The following SLC13A3 variants were observed in gnomAD, a reference collection of about 807,000 sequenced individuals.
SLC13A3 encodes solute carrier family 13 member 3, also known as Na(+)/dicarboxylate cotransporter 3.
Under a neutral mutation model 59.0 loss-of-function variants are expected in SLC13A3, and 40 were observed. That is an observed-to-expected ratio of 0.68 (90% CI 0.53 to 0.88). The LOEUF (loss-of-function observed/expected upper bound fraction) is 0.88, where lower values mean the gene tolerates loss of function less well. SLC13A3 is among the 40% of genes least tolerant of loss of function. SLC13A3 has a pLI of 0.00. For synonymous variants in SLC13A3, 317 were observed against 330.3 expected (o/e 0.96, Z 0.44); for missense variants, 699 against 783.2 (o/e 0.89, Z 1.28).
At chr20:46,667,542 C>T (rs1281017642) in intron 1 of SLC13A3, among the ~76,000 whole-genome samples, 2 of 152,164 alleles carry the variant, frequency 1.3e-5, no homozygotes, top group African/African-American at 4.8e-5. Flanking sequence ...TACTATTTGC[C>T]AGGCTCCGTT....
At chr20:46,640,433 T>C (rs2062836678) in intron 1 of SLC13A3, among the ~76,000 whole-genome samples, 1 of 152,164 alleles carries the variant, frequency 6.6e-6, no homozygotes, top group African/African-American at 2.4e-5. Context: ...GTGTTCTGCC[T>C]ATGGGTGCTC....
intron 5 of SLC13A3, among the ~76,000 whole-genome samples, chr20:46,594,311 A>T (rs899617797): frequency 6.6e-5 from 10 of 151,932 alleles, no homozygotes; most frequent in African/African-American, 2.2e-4. Flanking sequence ...TGAAATAGAC[A>T]TATAAAAAAT....
intron 1 of SLC13A3, among the ~76,000 whole-genome samples, chr20:46,634,407 C>T (rs2062774948): frequency 6.6e-6 from 1 of 152,092 alleles, no homozygotes; most frequent in Non-Finnish European, 1.5e-5. Flanking sequence ...CTTACCTTGT[C>T]CCATGCCCCA....
At chr20:46,666,536 C>T (rs2063063598) in intron 1 of SLC13A3, among the ~76,000 whole-genome samples, 1 of 151,560 alleles carries the variant, frequency 6.6e-6, no homozygotes. Context: ...CAGGGTCTCA[C>T]TCTGTTACCC....
chr20:46,654,432 C>T (rs1600620418), upstream of SLC13A3, among the ~76,000 whole-genome samples: 1 of 152,326 alleles, frequency 6.6e-6, no homozygotes. Context: ...CTTCATGCCC[C>T]TTTGCCTTAC....
chr20:46,586,132 A>T (rs1055795871), intron 8 of SLC13A3, among the ~76,000 whole-genome samples: 1 of 152,212 alleles, frequency 6.6e-6, no homozygotes, highest in Admixed American at 6.5e-5. Context: ...TCACTTTTTT[A>T]ATATAGCTAC....
chr20:46,585,546 C>A, intron 8 of SLC13A3: 1 of 1,018,104 alleles, frequency 9.8e-7, no homozygotes, highest in South Asian at 3.2e-5. Context: ...CAATAAAATG[C>A]ACCCATTTTA....
intron 3 of SLC13A3, among the ~76,000 whole-genome samples, chr20:46,600,324 A>AAGGAAAGG (rs61169434): frequency 0.19 from 15,669 of 83,680 alleles, 1,074 homozygotes; most frequent in East Asian, 0.38. Context: ...GGAAGGAAGG[A>AAGGAAAGG]AAGGAAGGAA....
chr20:46,642,351 C>A (rs1295051329), intron 1 of SLC13A3, among the ~76,000 whole-genome samples: 1 of 152,196 alleles, frequency 6.6e-6, no homozygotes, highest in Non-Finnish European at 1.5e-5. Context: ...GGACCTTGGG[C>A]TACAACACTG....
Position 46,659,722 on chromosome 20 carries a change from CCA to C in SLC13A3, c.-31+10319_-31+10320del, listed in dbSNP as rs1491581744. Among the ~76,000 whole-genome samples, 148 of 146,070 alleles carry C rather than the reference CCA, an allele frequency of 1.0e-3. 1 individual carries two copies. The highest frequency in any genetic ancestry group is 3.6e-3 in the African/African-American group (142 of 39,548). On this transcript the variant is annotated intron_variant, in intron 1 of 12. Coordinates refer to the SLC13A3 transcript ENST00000290317. ...CAGAGTGAGACCCTATCCCCCCCCC[CCA>C]AAAAAAAAAAGAAAAAACAAAGAAA...
upstream of SLC13A3, among the ~76,000 whole-genome samples, chr20:46,655,855 A>C (rs918684301): frequency 2.5e-4 from 34 of 136,822 alleles, no homozygotes; most frequent in African/African-American, 7.7e-4. Flanking sequence ...ACTGTATATA[A>C]TATATATACT....
At chr20:46,608,299 A>G (rs1312860596) in intron 3 of SLC13A3, among the ~76,000 whole-genome samples, 2 of 152,222 alleles carry the variant, frequency 1.3e-5, no homozygotes, top group African/African-American at 2.4e-5. Flanking sequence ...CAGCACCCAT[A>G]AATACAATTT....
At chr20:46,665,238 C>A (rs2063055879) in intron 1 of SLC13A3, among the ~76,000 whole-genome samples, 2 of 151,426 alleles carry the variant, frequency 1.3e-5, no homozygotes, top group African/African-American at 2.4e-5. Flanking sequence ...TGCACTCCAG[C>A]CTGGGCAATA....
intron 3 of SLC13A3, chr20:46,600,499 C>T (rs892489694): frequency 5.7e-5 from 15 of 260,950 alleles, no homozygotes; most frequent in Admixed American, 4.5e-4. Context: ...TCCTGTCCTA[C>T]CATCCATATG....
At chr20:46,643,233 A>G (rs2122860983) in intron 1 of SLC13A3, among the ~76,000 whole-genome samples, 1 of 151,234 alleles carries the variant, frequency 6.6e-6, no homozygotes. Context: ...ATGCACCAGC[A>G]GATACATAAT....
At chr20:46,631,852 G>T (rs940453588) in intron 1 of SLC13A3, among the ~76,000 whole-genome samples, 17 of 152,086 alleles carry the variant, frequency 1.1e-4, no homozygotes, top group Non-Finnish European at 1.6e-4. Context: ...TGATTTCCAG[G>T]CATACACAAG....
intron 3 of SLC13A3, among the ~76,000 whole-genome samples, chr20:46,603,854 C>T (rs1344034551): frequency 2.0e-5 from 3 of 151,664 alleles, no homozygotes; most frequent in African/African-American, 7.3e-5. Context: ...GATATAAAGA[C>T]TTCAACAGAG....
In SLC13A3 at chr20:46,627,496, G is replaced by T. The variant is rs534584626; in HGVS notation, c.112-13771C>A. 9.2e-5 allele frequency among the ~76,000 whole-genome samples: 14 copies of T among 152,276 alleles called. No individual in the cohort carries two copies. The South Asian group carries it at 2.9e-3, about 32-fold the overall frequency. Reference sequence around the variant, plus strand: ...CCACTGCTGCTCAGCTCCTCTGATTGTTGTGATGCAGGAATGTGGGTCCCG... The same window carrying T: ...CCACTGCTGCTCAGCTCCTCTGATTTTTGTGATGCAGGAATGTGGGTCCCG... On this transcript the variant is annotated intron_variant, in intron 1 of 12. Transcript: ENST00000279027.
At chr20:46,630,202 G>A (rs2062723542) in intron 1 of SLC13A3, among the ~76,000 whole-genome samples, 3 of 152,160 alleles carry the variant, frequency 2.0e-5, no homozygotes, top group Admixed American at 2.0e-4. Context: ...ATTTATGTTT[G>A]TTTGACTGAC....
Sources: allele counts gnomAD v4.1 joint callset (sites outside exome capture counted in the v4.1 genomes callset), GRCh38; gene constraint gnomAD v4.1.1; transcripts MANE v1.5; gene names NCBI Gene and HGNC (gene_info 2026-07-23, HGNC 2026-07-21).